The following DLG2 variants were observed in gnomAD, a reference collection of about 807,000 sequenced individuals.
DLG2 encodes disks large homolog 2.
In DLG2, 45 loss-of-function variants were observed where a neutral mutation model predicts 132.5. The ratio of observed to expected loss-of-function variants is 0.34; its 90% CI spans 0.27 to 0.44. The LOEUF (loss-of-function observed/expected upper bound fraction) is 0.44, where lower values mean the gene tolerates loss of function less well. Among genes scored for constraint, DLG2 ranks in the 20% least tolerant of loss-of-function variants. The pLI, the probability that DLG2 is intolerant of heterozygous loss-of-function variation, is 1.00. For missense variants in DLG2, 1,045 were observed against 1,196.9 expected (o/e 0.87, Z 1.87); for synonymous variants, 424 against 419.6 (o/e 1.01, Z -0.13).
intron 3 of DLG2, among the ~76,000 whole-genome samples, chr11:85,552,095 G>GAA (rs764172663): frequency 3.0e-4 from 19 of 64,228 alleles, no homozygotes; most frequent in African/African-American, 6.6e-4. Flanking sequence ...GGACTTAAAA[G>GAA]AAAAAAAAAA....
chr11:85,493,632 T>C (rs2093610306), intron 3 of DLG2, among the ~76,000 whole-genome samples: 1 of 149,130 alleles, frequency 6.7e-6, no homozygotes, highest in Admixed American at 6.8e-5. Context: ...ATTGTGCCCC[T>C]GCACTGCAGC....
chr11:84,970,496 C>T (rs1247186216), intron 6 of DLG2, among the ~76,000 whole-genome samples: 1 of 152,192 alleles, frequency 6.6e-6, no homozygotes, highest in East Asian at 1.9e-4. Flanking sequence ...GTTCTGGAGG[C>T]TGCCAAGTCT....
intron 7 of DLG2, among the ~76,000 whole-genome samples, chr11:84,265,313 T>A (rs182068329): frequency 2.7e-5 from 4 of 146,878 alleles, no homozygotes; most frequent in Non-Finnish European, 4.7e-5. Flanking sequence ...TGTTAAGAGT[T>A]CAATTCACAT....
chr11:85,138,026 C>T (rs1224710736), intron 5 of DLG2, among the ~76,000 whole-genome samples: 2 of 151,734 alleles, frequency 1.3e-5, no homozygotes, highest in Non-Finnish European at 2.9e-5. Context: ...AAATGTGTAT[C>T]CTTACAAAAA....
chr11:83,941,732 G>C (rs1024491032), intron 14 of DLG2, among the ~76,000 whole-genome samples: 2 of 152,090 alleles, frequency 1.3e-5, no homozygotes, highest in African/African-American at 4.8e-5. Context: ...GCTTAATTTT[G>C]TATTTTCAGT....
At chr11:83,781,528 T>C (rs1237661548) in intron 18 of DLG2, among the ~76,000 whole-genome samples, 1 of 152,166 alleles carries the variant, frequency 6.6e-6, no homozygotes, top group East Asian at 1.9e-4. Flanking sequence ...CAGTACCTTA[T>C]TAAAGAATAA....
In DLG2 at chr11:84,219,920, C is replaced by A. The variant is rs887542157; in HGVS notation, c.573+31318G>T. The stretch of plus-strand genomic sequence containing the variant: ...TTATTTTTGGCTGTTGATGTTAAAT[C>A]AATTTGCTTTAAAAAACAATTATGG... On this transcript the variant is annotated intron_variant, in intron 8 of 27. Coordinates refer to ENST00000376104, the MANE Select transcript of DLG2 (RefSeq NM_001142699.3). Among the ~76,000 whole-genome samples, 115 of 151,640 alleles carry A rather than the reference C, an allele frequency of 7.6e-4. 1 individual carries two copies. Among genetic ancestry groups the A allele is most frequent in the African/African-American group, 2.7e-3 (111 of 41,412 alleles).
chr11:84,509,844 T>C (rs2099252198), intron 7 of DLG2, among the ~76,000 whole-genome samples: 1 of 151,752 alleles, frequency 6.6e-6, no homozygotes, highest in African/African-American at 2.4e-5. Flanking sequence ...CAAGACAGAA[T>C]AAGAAGCCCA....
At chr11:85,168,618 A>T (rs2078625504) in intron 4 of DLG2, among the ~76,000 whole-genome samples, 1 of 152,140 alleles carries the variant, frequency 6.6e-6, no homozygotes, top group Non-Finnish European at 1.5e-5. Flanking sequence ...GTCAAATGGG[A>T]AAACATTTTA....
intron 6 of DLG2, among the ~76,000 whole-genome samples, chr11:84,784,067 G>A (rs1197569471): frequency 6.7e-6 from 1 of 149,000 alleles, no homozygotes; most frequent in Non-Finnish European, 1.5e-5. Context: ...GGAGGCTGAG[G>A]CGGGTGGATC....
chr11:83,590,588 A>G (rs2097170771), intron 19 of DLG2, among the ~76,000 whole-genome samples: 1 of 151,950 alleles, frequency 6.6e-6, no homozygotes, highest in Non-Finnish European at 1.5e-5. Context: ...GAACTAGAAA[A>G]GCAAGAGCAA....
intron 4 of DLG2, among the ~76,000 whole-genome samples, chr11:85,231,777 T>C (rs1417278517): frequency 6.6e-6 from 1 of 151,966 alleles, no homozygotes; most frequent in Middle Eastern, 3.2e-3. Context: ...TCCAAACGCA[T>C]GAATTTTGGG....
intron 26 of DLG2, among the ~76,000 whole-genome samples, chr11:83,464,346 T>C (rs1157134479): frequency 6.6e-6 from 1 of 152,248 alleles, no homozygotes; most frequent in East Asian, 1.9e-4. Flanking sequence ...GATGTATCAA[T>C]GTGTAAATGT....
At position 84,261,252 on chromosome 11, in the gene DLG2, C is replaced by T. The variant is rs115016323; in HGVS notation, c.520-9961G>A. On this transcript the variant is annotated intron_variant, in intron 7 of 27. Transcript: ENST00000376104. ...AGTTTCCATCCTTCTTCTCTCTTTT[C>T]CTCCCACCAGGCAAGGATCCTTACT... is the stretch of plus-strand genomic sequence containing the variant. Among the ~76,000 whole-genome samples the T allele has an allele frequency of 7.5e-3, 1,142 of 152,250 alleles. 13 individuals are homozygous for T. Among genetic ancestry groups the T allele is most frequent in the African/African-American group, 0.026 (1,090 of 41,528 alleles).
chr11:83,928,855 C>T (rs760374527), intron 15 of DLG2, among the ~76,000 whole-genome samples: 1 of 152,138 alleles, frequency 6.6e-6, no homozygotes, highest in African/African-American at 2.4e-5. Flanking sequence ...ATGTTAGCTA[C>T]CCTTATGTAG....
intron 6 of DLG2, among the ~76,000 whole-genome samples, chr11:85,095,046 A>G (rs2069491557): frequency 6.6e-6 from 1 of 152,206 alleles, no homozygotes; most frequent in Admixed American, 6.5e-5. Context: ...ATACAGAGAC[A>G]GGGGAATGGC....
chr11:84,814,551 C>T (rs1005624127), intron 6 of DLG2, among the ~76,000 whole-genome samples: 3 of 151,960 alleles, frequency 2.0e-5, no homozygotes, highest in Admixed American at 2.0e-4. Context: ...CCACTGTTAC[C>T]ACTCCCTCCC....
At chr11:84,238,397 C>T (rs151057480) in intron 8 of DLG2, among the ~76,000 whole-genome samples, 482 of 152,126 alleles carry the variant, frequency 3.2e-3, no homozygotes, top group Non-Finnish European at 5.1e-3. Context: ...CGCCTGTAGT[C>T]CCAGCTACTT....
At chr11:84,968,412 G>A (rs2053614332) in intron 6 of DLG2, among the ~76,000 whole-genome samples, 1 of 152,084 alleles carries the variant, frequency 6.6e-6, no homozygotes, top group Admixed American at 6.6e-5. Flanking sequence ...AGTGCCTAAT[G>A]AAAGCTGTGA....
Sources: allele counts gnomAD v4.1 joint callset (sites outside exome capture counted in the v4.1 genomes callset), GRCh38; gene constraint gnomAD v4.1.1; transcripts MANE v1.5; gene names NCBI Gene and HGNC (gene_info 2026-07-23, HGNC 2026-07-21).